The following SNTG2 variants were observed in gnomAD, a reference collection of about 807,000 sequenced individuals.
SNTG2 encodes the protein syntrophin gamma 2, also known as gamma-2-syntrophin.
In SNTG2, 74 loss-of-function variants were observed where a neutral mutation model predicts 70.9. That is an observed-to-expected ratio of 1.04 (90% CI 0.86 to 1.27). The LOEUF (loss-of-function observed/expected upper bound fraction) is 1.27, where lower values mean the gene tolerates loss of function less well. Ranked by LOEUF, SNTG2 falls within the 50% of genes most tolerant of loss-of-function variation. SNTG2 has a pLI of 0.00. For missense variants in SNTG2, 717 were observed against 690.7 expected (o/e 1.04, Z -0.43); for synonymous variants, 278 against 273.8 (o/e 1.02, Z -0.15).
At chr2:1,253,193 G>A (rs982813805) in intron 12 of SNTG2, among the ~76,000 whole-genome samples, 2 of 152,012 alleles carry the variant, frequency 1.3e-5, no homozygotes, top group Admixed American at 6.6e-5. Context: ...CATGACTCTC[G>A]GAGCTCATAT....
intron 9 of SNTG2, among the ~76,000 whole-genome samples, chr2:1,213,584 T>C (rs575036812): frequency 1.4e-4 from 21 of 152,352 alleles, no homozygotes; most frequent in African/African-American, 4.8e-4. Context: ...AGCTCAGGGC[T>C]CAAGCTGGGC....
chr2:1,144,646 G>C (rs1365046880), intron 6 of SNTG2, among the ~76,000 whole-genome samples: 1 of 152,178 alleles, frequency 6.6e-6, no homozygotes, highest in African/African-American at 2.4e-5. Context: ...ATCTTACATG[G>C]TGGCAGACAA....
chr2:1,348,768 A>G (rs890130585), intron 16 of SNTG2, among the ~76,000 whole-genome samples: 6 of 152,222 alleles, frequency 3.9e-5, no homozygotes, highest in African/African-American at 1.4e-4. Context: ...CTGAGAATAA[A>G]TTTCTTCAAA....
At chr2:1,319,889 G>A (rs1238202916) in intron 16 of SNTG2, among the ~76,000 whole-genome samples, 1 of 152,196 alleles carries the variant, frequency 6.6e-6, no homozygotes, top group Non-Finnish European at 1.5e-5. Context: ...GACTTAAGGA[G>A]TCCACGGGAA....
chr2:1,152,367 AT>A (rs1322132938), intron 6 of SNTG2, among the ~76,000 whole-genome samples: 1 of 152,254 alleles, frequency 6.6e-6, no homozygotes, highest in Non-Finnish European at 1.5e-5. Context: ...GTTTGTGCAC[AT>A]GCATGTACGT....
At chr2:1,250,421 C>A (rs1376874477) in intron 12 of SNTG2, among the ~76,000 whole-genome samples, 2 of 151,998 alleles carry the variant, frequency 1.3e-5, no homozygotes, top group East Asian at 3.9e-4. Flanking sequence ...CTCTTTCTAT[C>A]CCTCTCTCTT....
At chr2:990,026 C>T (rs141670059) in intron 1 of SNTG2, among the ~76,000 whole-genome samples, 17 of 152,370 alleles carry the variant, frequency 1.1e-4, no homozygotes, top group Non-Finnish European at 2.1e-4. Flanking sequence ...GAGCTGGGAG[C>T]AGCTGCTGAC....
rs1660699777 is a variant in SNTG2 at position 1,353,700 on chromosome 2, T to A, written c.1489-13643T>A. 6.6e-6 allele frequency: 1 copy of A among 152,142 alleles called. No homozygotes were observed. The highest frequency in any genetic ancestry group is 6.5e-5 in the Admixed American group (1 of 15,276). The allele number at this position is 152,142 out of a possible 1,614,324, so 9.4% of individuals were successfully genotyped here. A position where few individuals can be genotyped will look rare whatever the true frequency, so the allele number is the denominator to read the frequency against. ...CCTTTCCCATAGGGCCATTAGGTAATGATTGGGAAAACTAAGAACCCAGGA... is the reference window on the plus strand; with the variant it reads ...CCTTTCCCATAGGGCCATTAGGTAAAGATTGGGAAAACTAAGAACCCAGGA... On this transcript the variant is annotated intron_variant, in intron 16 of 16. Coordinates refer to ENST00000308624, the MANE Select transcript of SNTG2 (RefSeq NM_018968.4). This position sits in a 1 kb window ranked among gnomAD's most constrained non-coding sequence, Gnocchi z 4.2.
At chr2:1,039,783 A>C (rs1661330860) in intron 1 of SNTG2, among the ~76,000 whole-genome samples, 1 of 152,136 alleles carries the variant, frequency 6.6e-6, no homozygotes. Context: ...GCTCCTAATA[A>C]CATCACTGGG....
At chr2:1,173,983 C>T (rs560036819) in intron 8 of SNTG2, among the ~76,000 whole-genome samples, 1 of 152,344 alleles carries the variant, frequency 6.6e-6, no homozygotes, top group South Asian at 2.1e-4. Flanking sequence ...ATACTTCATA[C>T]ACAGGGAGAA....
intron 14 of SNTG2, among the ~76,000 whole-genome samples, chr2:1,289,347 G>C (rs142825060): frequency 6.6e-6 from 1 of 151,866 alleles, no homozygotes. Context: ...TGGGTGCTGC[G>C]TGCACTCAGC....
chr2:1,207,214 G>A (rs1444300968), intron 8 of SNTG2, among the ~76,000 whole-genome samples: 2 of 152,168 alleles, frequency 1.3e-5, no homozygotes, highest in Non-Finnish European at 2.9e-5. Context: ...TGTCATTCTC[G>A]TGCATGCACC....
intron 16 of SNTG2, among the ~76,000 whole-genome samples, chr2:1,339,908 C>T (rs995995876): frequency 2.0e-5 from 3 of 152,192 alleles, no homozygotes; most frequent in East Asian, 1.9e-4. Context: ...GCAGCACTCC[C>T]GGATCTGCAG....
At chr2:1,034,932 G>A (rs1230430998) in intron 1 of SNTG2, among the ~76,000 whole-genome samples, 2 of 152,090 alleles carry the variant, frequency 1.3e-5, no homozygotes, top group African/African-American at 4.8e-5. Context: ...TCACCACATG[G>A]TACATGCTCT....
intron 1 of SNTG2, among the ~76,000 whole-genome samples, chr2:1,007,249 A>G (rs1659600541): frequency 6.6e-6 from 1 of 152,100 alleles, no homozygotes; most frequent in African/African-American, 2.4e-5. Flanking sequence ...GACATTAGAC[A>G]GGCGACCTGA....
At chr2:1,104,802 T>C (rs1666007295) in intron 4 of SNTG2, among the ~76,000 whole-genome samples, 1 of 152,204 alleles carries the variant, frequency 6.6e-6, no homozygotes. Flanking sequence ...TTGCTGTGGT[T>C]TTCTCCCAGT....
intron 1 of SNTG2, among the ~76,000 whole-genome samples, chr2:1,083,053 G>A (rs1238863878): frequency 2.0e-5 from 3 of 152,070 alleles, no homozygotes; most frequent in Non-Finnish European, 2.9e-5. Context: ...TGAGAAGGCC[G>A]CTTCCTCCTC....
At chr2:1,133,370 C>A (rs1668150042) in intron 4 of SNTG2, among the ~76,000 whole-genome samples, 1 of 152,124 alleles carries the variant, frequency 6.6e-6, no homozygotes, top group African/African-American at 2.4e-5. Context: ...GTGTTCCAAA[C>A]CTTGATTATA....
At chr2:1,257,356 G>A (rs927160809) in intron 12 of SNTG2, among the ~76,000 whole-genome samples, 7 of 152,126 alleles carry the variant, frequency 4.6e-5, no homozygotes, top group African/African-American at 1.7e-4. Context: ...CCTGGGCTGT[G>A]GGCAAGGTCA....
Sources: allele counts gnomAD v4.1 joint callset (sites outside exome capture counted in the v4.1 genomes callset), GRCh38; gene constraint gnomAD v4.1.1; non-coding constraint Gnocchi (gnomAD v3.1); transcripts MANE v1.5; gene names NCBI Gene and HGNC (gene_info 2026-07-23, HGNC 2026-07-21).